The following PID1 variants were observed in gnomAD, a reference collection of about 807,000 sequenced individuals.
The protein encoded by PID1 is PTB-containing, cubilin and LRP1-interacting protein.
Under a neutral mutation model 19.1 loss-of-function variants are expected in PID1, and 10 were observed. The ratio of observed to expected loss-of-function variants is 0.52; its 90% CI spans 0.32 to 0.89. The LOEUF is 0.89. Among genes scored for constraint, PID1 ranks in the 40% least tolerant of loss-of-function variants. The pLI, the probability that PID1 is intolerant of heterozygous loss-of-function variation, is 0.03. For missense variants in PID1, 248 were observed against 285.3 expected, an observed-to-expected ratio of 0.87 and a Z score of 0.94; for synonymous variants, 130 against 116.0, an observed-to-expected ratio of 1.12 and a Z score of -0.78.
chr2:229,074,844 G>A (rs1389916017), intron 2 of PID1, among the ~76,000 whole-genome samples: 1 of 152,130 alleles, frequency 6.6e-6, no homozygotes, highest in Non-Finnish European at 1.5e-5. Flanking sequence ...GGTGATTTGA[G>A]CTTGCTGTTG....
intron 2 of PID1, among the ~76,000 whole-genome samples, chr2:229,133,048 C>T (rs571946530): frequency 2.4e-4 from 36 of 152,132 alleles, no homozygotes; most frequent in African/African-American, 8.4e-4. Context: ...TCTGTGTTAT[C>T]TTGGTAAGAT....
chr2:229,074,801 T>C (rs1694525013), intron 2 of PID1, among the ~76,000 whole-genome samples: 1 of 152,208 alleles, frequency 6.6e-6, no homozygotes, highest in Admixed American at 6.5e-5. Flanking sequence ...CAACGGCCTA[T>C]AAATTGATGG....
At chr2:229,154,946 C>T (rs1409862765) in intron 2 of PID1, among the ~76,000 whole-genome samples, 2 of 152,182 alleles carry the variant, frequency 1.3e-5, no homozygotes, top group African/African-American at 2.4e-5. Context: ...TTATACATTT[C>T]ATTTCTAGTT....
intron 2 of PID1, among the ~76,000 whole-genome samples, chr2:229,026,508 A>C (rs927065258): frequency 6.6e-6 from 1 of 152,230 alleles, no homozygotes; most frequent in African/African-American, 2.4e-5. Context: ...AGGAATCAAA[A>C]GGACACTGAG....
intron 1 of PID1, among the ~76,000 whole-genome samples, chr2:229,234,032 G>A (rs186948932): frequency 2.6e-5 from 4 of 152,256 alleles, no homozygotes; most frequent in Non-Finnish European, 5.9e-5. Flanking sequence ...TAAATGTGTT[G>A]AACACCATAT....
intron 1 of PID1, among the ~76,000 whole-genome samples, chr2:229,199,745 T>TATATATATATATATATAC (rs1491155550): frequency 8.5e-4 from 104 of 122,510 alleles, no homozygotes; most frequent in Non-Finnish European, 1.5e-3. Flanking sequence ...TATATATATA[T>TATATATATATATATATAC]ACACATACAC....
intron 1 of PID1, among the ~76,000 whole-genome samples, chr2:229,162,878 T>C (rs958652822): frequency 2.0e-5 from 3 of 152,236 alleles, no homozygotes; most frequent in Non-Finnish European, 4.4e-5. Context: ...GCTTATTCTT[T>C]TTAATGAAAA....
Position 229,112,216 on chromosome 2 carries a change from T to G in PID1, c.177+43602A>C, listed in dbSNP as rs536104016. Reference sequence around the variant, plus strand: ...ACTTTGTATTATTATTATTATTTCCTTATATGCAAAACAAAACTAAACAAA... The same window carrying G: ...ACTTTGTATTATTATTATTATTTCCGTATATGCAAAACAAAACTAAACAAA... On this transcript the variant is annotated intron_variant, in intron 2 of 2. Coordinates refer to ENST00000392055, the MANE Select transcript of PID1 (RefSeq NM_001100818.2). 3.3e-5 allele frequency among the ~76,000 whole-genome samples: 5 copies of G among 152,350 alleles called. No homozygotes were observed. The East Asian group carries it at 5.8e-4, about 18-fold the overall frequency.
intron 1 of PID1, among the ~76,000 whole-genome samples, chr2:229,216,242 C>G (rs185260512): frequency 2.4e-4 from 37 of 152,178 alleles, no homozygotes; most frequent in Non-Finnish European, 3.8e-4. Flanking sequence ...GCCACGTGGT[C>G]CCCCTCAACA....
At chr2:229,151,272 AGTGGAATCCG>A (rs1213851391) in intron 2 of PID1, among the ~76,000 whole-genome samples, 1 of 152,132 alleles carries the variant, frequency 6.6e-6, no homozygotes, top group African/African-American at 2.4e-5. Flanking sequence ...ACCCAATGGC[AGTGGAATCCG>A]GTGGGGGGGA....
chr2:229,156,091 T>C lies in PID1; in HGVS notation c.31-127A>G. On this transcript the variant is annotated intron_variant, in intron 1 of 2. Coordinates refer to ENST00000392055, the MANE Select transcript of PID1 (RefSeq NM_001100818.2). ...TTCTATTAGGGGAGGCCAAGAGATA[T>C]TTAGTAAAACAGAGGAGGGGGAACT... The C allele has an allele frequency of 3.9e-6, 3 of 771,804 alleles. No homozygotes were observed. The South Asian group carries it at 5.5e-5, about 14-fold the overall frequency. The allele number at this position is 771,804 out of a possible 1,614,324, so 47.8% of individuals were successfully genotyped here.
chr2:229,190,047 C>T (rs1691222328), intron 1 of PID1, among the ~76,000 whole-genome samples: 1 of 152,158 alleles, frequency 6.6e-6, no homozygotes. Flanking sequence ...TGAGTGATTA[C>T]TGACTCCAGG....
intron 2 of PID1, among the ~76,000 whole-genome samples, chr2:229,083,087 CA>C (rs2106212273): frequency 6.6e-6 from 1 of 152,204 alleles, no homozygotes; most frequent in African/African-American, 2.4e-5. Context: ...AAAAAAAGCA[CA>C]TTGAAGAATG....
chr2:229,123,617 A>C (rs184970376), intron 2 of PID1, among the ~76,000 whole-genome samples: 96 of 152,300 alleles, frequency 6.3e-4, no homozygotes, highest in African/African-American at 2.3e-3. Context: ...CCAAAATGCC[A>C]ATACCATTTT....
intron 2 of PID1, among the ~76,000 whole-genome samples, chr2:229,041,295 C>T (rs1693766159): frequency 6.6e-6 from 1 of 152,164 alleles, no homozygotes; most frequent in Non-Finnish European, 1.5e-5. Flanking sequence ...TAAACATGTT[C>T]AAACGACAGA....
intron 1 of PID1, among the ~76,000 whole-genome samples, chr2:229,231,690 ACTCT>A (rs1460545663): frequency 1.3e-5 from 2 of 151,982 alleles, no homozygotes; most frequent in Non-Finnish European, 2.9e-5. Flanking sequence ...ACAGAAGAAC[ACTCT>A]CTCAGCTATG....
At chr2:229,178,950 C>A (rs1045101131) in intron 1 of PID1, among the ~76,000 whole-genome samples, 2 of 152,212 alleles carry the variant, frequency 1.3e-5, no homozygotes, top group Non-Finnish European at 2.9e-5. Context: ...GAGGCCCCAA[C>A]CCAAAGCCAG....
chr2:229,138,980 G>GA (rs1553565550), intron 2 of PID1, among the ~76,000 whole-genome samples: 3 of 67,024 alleles, frequency 4.5e-5, no homozygotes, highest in Non-Finnish European at 8.6e-5. Context: ...GAAAAAAATA[G>GA]AAGAAAGAAA....
intron 2 of PID1, among the ~76,000 whole-genome samples, chr2:229,085,882 T>C (rs1258484749): frequency 6.6e-6 from 1 of 152,076 alleles, no homozygotes; most frequent in African/African-American, 2.4e-5. Context: ...AGACAGCTGA[T>C]TAAAGCTTCT....
Sources: allele counts gnomAD v4.1 joint callset (sites outside exome capture counted in the v4.1 genomes callset), GRCh38; gene constraint gnomAD v4.1.1; transcripts MANE v1.5; gene names NCBI Gene and HGNC (gene_info 2026-07-23, HGNC 2026-07-21).